Variants in RAP1GAP2 observed in about 807,000 individuals in gnomAD.
RAP1GAP2 encodes rap1 GTPase-activating protein 2.
A neutral mutation model predicts 95.0 loss-of-function variants in RAP1GAP2; 27 were observed. The ratio of observed to expected loss-of-function variants is 0.28; its 90% CI spans 0.21 to 0.39. The LOEUF is 0.39. Ranked by LOEUF, RAP1GAP2 falls within the 10% of genes least tolerant of loss-of-function variation. RAP1GAP2 has a pLI of 1.00. For missense variants in RAP1GAP2, 771 were observed against 970.0 expected, an observed-to-expected ratio of 0.79 and a Z score of 2.72; for synonymous variants, 373 against 380.9, an observed-to-expected ratio of 0.98 and a Z score of 0.24.
intron 1 of RAP1GAP2, among the ~76,000 whole-genome samples, chr17:2,782,565 G>T (rs140435322): frequency 6.6e-6 from 1 of 152,280 alleles, no homozygotes; most frequent in East Asian, 1.9e-4. Context: ...TCCAATGGGG[G>T]CCTTGGCCTT....
chr17:2,880,648 C>G (rs539240294), intron 2 of RAP1GAP2, among the ~76,000 whole-genome samples: 3 of 152,040 alleles, frequency 2.0e-5, no homozygotes, highest in East Asian at 3.9e-4. Context: ...CCGCCTCCCC[C>G]ATCCCGAAGC....
In RAP1GAP2 at chr17:3,026,476, C is replaced by G. The variant is rs768184485; in HGVS notation, c.1980+12C>G. ...AGGGCGACAGTGGGGTAGGTGTGCCCCGTCCACCCTTGGGCAGGCACTCTG... is the reference window on the plus strand; with the variant it reads ...AGGGCGACAGTGGGGTAGGTGTGCCGCGTCCACCCTTGGGCAGGCACTCTG... On this transcript the variant is annotated intron_variant, in intron 21 of 24. Coordinates refer to ENST00000254695, the MANE Select transcript of RAP1GAP2 (RefSeq NM_015085.5). The G allele has an allele frequency of 6.5e-7, 1 of 1,538,458 alleles. No individual in the cohort carries two copies. Among genetic ancestry groups the G allele is most frequent in the Admixed American group, 2.0e-5 (1 of 50,150 alleles).
rs903236776 is a variant in RAP1GAP2, at chr17:2,866,237, G to A, written c.81-39047G>A. Among the ~76,000 whole-genome samples the A allele has an allele frequency of 5.3e-5, 8 of 152,318 alleles. No homozygotes were observed. The highest frequency in any genetic ancestry group is 3.4e-3 in the Middle Eastern group (1 of 294). ...CAAGGGGCCAAGATAAAAAAACAGG[G>A]GCCCGCTCAGATCCCACCTTGGCTG... On this transcript the variant is annotated intron_variant, in intron 2 of 24. Coordinates refer to ENST00000254695, the MANE Select transcript of RAP1GAP2 (RefSeq NM_015085.5). This position sits in a 1 kb window ranked among gnomAD's most constrained non-coding sequence, Gnocchi z 4.0.
upstream of RAP1GAP2, among the ~76,000 whole-genome samples, chr17:2,775,552 G>C (rs1271442821): frequency 6.6e-6 from 1 of 152,182 alleles, no homozygotes; most frequent in Non-Finnish European, 1.5e-5. Flanking sequence ...GTGCAAGGCT[G>C]TTCTAGAAGC....
At chr17:2,845,412 G>T (rs1567702573) in intron 2 of RAP1GAP2, among the ~76,000 whole-genome samples, 1 of 152,012 alleles carries the variant, frequency 6.6e-6, no homozygotes, top group East Asian at 1.9e-4. Flanking sequence ...CAAAGTGCTG[G>T]GATTACAGGC....
chr17:2,787,127 T>G (rs1036047470), intron 1 of RAP1GAP2, among the ~76,000 whole-genome samples: 19 of 149,496 alleles, frequency 1.3e-4, no homozygotes, highest in African/African-American at 4.4e-4. Context: ...GTTTTGTAGT[T>G]TTTAGTAGAG....
Position 3,005,888 on chromosome 17 carries a change from C to T in RAP1GAP2, c.1273-67C>T, listed in dbSNP as rs1326705844. The T allele has an allele frequency of 2.7e-6, 4 of 1,456,338 alleles. No individual in the cohort carries two copies. In the African/African-American group the frequency reaches 5.6e-5, roughly 20 times the overall value. 90.2% of individuals were successfully genotyped at this position (1,456,338 alleles called of 1,614,324 possible). Reference sequence around the variant, plus strand: ...TGGCCCCGGCTCTGCCTGCCTGTCACTGTGGCTGAAGACCTTCTGGCAACA... The same window carrying T: ...TGGCCCCGGCTCTGCCTGCCTGTCATTGTGGCTGAAGACCTTCTGGCAACA... On this transcript the variant is annotated intron_variant, in intron 15 of 24. Transcript: ENST00000254695. This position sits in a 1 kb window ranked among gnomAD's most constrained non-coding sequence, Gnocchi z 5.2.
intron 7 of RAP1GAP2, chr17:2,964,884 G>A (rs1244415452): frequency 1.3e-5 from 2 of 152,618 alleles, no homozygotes; most frequent in Admixed American, 1.3e-4. Flanking sequence ...GTAGCCTGAG[G>A]CCGCTTTGCA....
In RAP1GAP2 at chr17:3,035,001, C is replaced by T. The variant is rs1394100059; in HGVS notation, c.*1640C>T. Reference sequence around the variant, plus strand: ...ACTTTTTTTTTTTTTTTTTAACTGACATTGTGAAATTCTCCCTATAGCTTT... The same window carrying T: ...ACTTTTTTTTTTTTTTTTTAACTGATATTGTGAAATTCTCCCTATAGCTTT... On this transcript the variant is annotated 3_prime_UTR_variant, in exon 25 of 25. Transcript: ENST00000254695. This position sits in a 1 kb window ranked among gnomAD's most constrained non-coding sequence, Gnocchi z 4.3. 1.5e-5 allele frequency: 2 copies of T among 137,344 alleles called. No individual in the cohort carries two copies. The highest frequency in any genetic ancestry group is 7.2e-5 in the Admixed American group (1 of 13,796). 8.5% of individuals were successfully genotyped at this position (137,344 alleles called of 1,614,324 possible).
intron 3 of RAP1GAP2, among the ~76,000 whole-genome samples, chr17:2,920,010 C>CTTTTT (rs34848214): frequency 8.5e-6 from 1 of 116,960 alleles, no homozygotes; most frequent in African/African-American, 3.0e-5. Context: ...CTCCTTTTTT[C>CTTTTT]TTTTTTTTTT....
upstream of RAP1GAP2, among the ~76,000 whole-genome samples, chr17:2,772,988 A>T (rs1308364276): frequency 6.6e-6 from 1 of 150,618 alleles, no homozygotes; most frequent in East Asian, 2.0e-4. Context: ...CCTCCCTAGT[A>T]GCTGGGATTA....
intron 3 of RAP1GAP2, among the ~76,000 whole-genome samples, chr17:2,930,810 A>G (rs961398728): frequency 2.0e-5 from 3 of 152,174 alleles, no homozygotes; most frequent in African/African-American, 7.2e-5. Flanking sequence ...CAAAATCGAA[A>G]CAAAGAAATA....
intron 1 of RAP1GAP2, among the ~76,000 whole-genome samples, chr17:2,781,128 T>G (rs9905703): frequency 0.25 from 38,716 of 152,128 alleles, 5,279 homozygotes; most frequent in African/African-American, 0.32. Context: ...GTTCTGGACT[T>G]TTGCAGCTTG....
intron 2 of RAP1GAP2, among the ~76,000 whole-genome samples, chr17:2,874,312 C>T (rs1234075223): frequency 6.6e-6 from 1 of 152,114 alleles, no homozygotes; most frequent in Non-Finnish European, 1.5e-5. Context: ...TAAAAACACT[C>T]TAAACTCCAA....
intron 16 of RAP1GAP2, among the ~76,000 whole-genome samples, chr17:3,007,279 C>T (rs181608726): frequency 1.1e-4 from 16 of 151,810 alleles, no homozygotes; most frequent in African/African-American, 3.6e-4. Flanking sequence ...GTGAGGGGCT[C>T]GATGTGTATG....
At chr17:2,800,990 C>T (rs1410550100) in intron 2 of RAP1GAP2, among the ~76,000 whole-genome samples, 1 of 151,164 alleles carries the variant, frequency 6.6e-6, no homozygotes, top group East Asian at 2.0e-4. Flanking sequence ...GCTGGGATTA[C>T]AGGCGCCCAC....
chr17:2,868,478 G>T (rs1421987147), intron 2 of RAP1GAP2, among the ~76,000 whole-genome samples: 1 of 151,660 alleles, frequency 6.6e-6, no homozygotes, highest in Non-Finnish European at 1.5e-5. Context: ...TATGTGTGTA[G>T]GCAAAAATCT....
At chr17:2,999,960 CTTTTT>C (rs1365175664) in intron 14 of RAP1GAP2, among the ~76,000 whole-genome samples, 46 of 152,144 alleles carry the variant, frequency 3.0e-4, no homozygotes, top group African/African-American at 1.1e-3. Flanking sequence ...CTTTTCTTTT[CTTTTT>C]GAGACAGAGT....
At chr17:2,756,936 T>C (rs56082408) in intron 1 of RAP1GAP2, among the ~76,000 whole-genome samples, 2,264 of 152,250 alleles carry the variant, frequency 0.015, 56 homozygotes, top group African/African-American at 0.051. Flanking sequence ...TTCCTCTGTT[T>C]TGCATATTTC....
Sources: allele counts gnomAD v4.1 joint callset (sites outside exome capture counted in the v4.1 genomes callset), GRCh38; gene constraint gnomAD v4.1.1; non-coding constraint Gnocchi (gnomAD v3.1); transcripts MANE v1.5; gene names NCBI Gene and HGNC (gene_info 2026-07-23, HGNC 2026-07-21).